Variants in SF3B1 observed in about 807,000 individuals in gnomAD.
SF3B1 encodes the protein pre-mRNA processing 10.
In SF3B1, 12 loss-of-function variants were observed where a neutral mutation model predicts 153.8. The ratio of observed to expected loss-of-function variants is 0.08; its 90% CI spans 0.05 to 0.13. SF3B1 has a LOEUF of 0.13. SF3B1 is among the 10% of genes least tolerant of loss of function. SF3B1 has a pLI of 1.00. For synonymous variants in SF3B1, 498 were observed against 525.2 expected (o/e 0.95, Z 0.71); for missense variants, 513 against 1,606.1 (o/e 0.32, Z 11.63).
At chr2:197,431,858 G>T (rs2085443074) in intron 1 of SF3B1, among the ~76,000 whole-genome samples, 1 of 152,122 alleles carries the variant, frequency 6.6e-6, no homozygotes. Context: ...AGGCATCGTG[G>T]CTCACACCTG....
chr2:197,393,285 A>C, intron 23 of SF3B1, 97 bp from the exon 24 acceptor site: 1 of 779,172 alleles, frequency 1.3e-6, no homozygotes, highest in South Asian at 1.6e-5. Context: ...GGAAATATTC[A>C]CCGGCCCATT....
intron 2 of SF3B1, among the ~76,000 whole-genome samples, chr2:197,421,334 CT>C (rs923422326): frequency 6.6e-6 from 1 of 152,126 alleles, no homozygotes; most frequent in African/African-American, 2.4e-5. Context: ...GTTATCTTTA[CT>C]TTTAAAATGA....
chr2:197,425,936 C>A (rs532338743), intron 1 of SF3B1, among the ~76,000 whole-genome samples: 1 of 151,706 alleles, frequency 6.6e-6, no homozygotes, highest in Non-Finnish European at 1.5e-5. Context: ...GAGGTCAAGG[C>A]TGCAGTAAGC....
At chr2:197,413,389 G>C (rs1469247372) in intron 6 of SF3B1, among the ~76,000 whole-genome samples, 1 of 152,200 alleles carries the variant, frequency 6.6e-6, no homozygotes, top group African/African-American at 2.4e-5. Flanking sequence ...ATGGGTGACA[G>C]AGCAAGACTC....
chr2:197,417,198 C>T (rs778110087), intron 5 of SF3B1, among the ~76,000 whole-genome samples: 1 of 152,046 alleles, frequency 6.6e-6, no homozygotes, highest in Non-Finnish European at 1.5e-5. Flanking sequence ...AATGGAGAAC[C>T]ATAATGCTTC....
At chr2:197,393,916 G>A (rs2105975594) in intron 23 of SF3B1, among the ~76,000 whole-genome samples, 1 of 152,144 alleles carries the variant, frequency 6.6e-6, no homozygotes, top group South Asian at 2.1e-4. Flanking sequence ...GGACATGGTG[G>A]CTCATGTCTG....
intron 23 of SF3B1, among the ~76,000 whole-genome samples, chr2:197,394,934 C>G (rs2084858285): frequency 6.6e-6 from 1 of 151,896 alleles, no homozygotes; most frequent in Non-Finnish European, 1.5e-5. Flanking sequence ...ACACTTTGCT[C>G]CAAAGATAGT....
intron 1 of SF3B1, among the ~76,000 whole-genome samples, chr2:197,432,661 G>A (rs2085457937): frequency 1.3e-5 from 2 of 152,156 alleles, no homozygotes; most frequent in African/African-American, 4.8e-5. Context: ...CTTGTGGTCA[G>A]GAGTTTGAGA....
intron 1 of SF3B1, among the ~76,000 whole-genome samples, 155 bp downstream of exon 1, chr2:197,434,817 G>C (rs1021228552): frequency 6.6e-6 from 1 of 152,272 alleles, no homozygotes; most frequent in African/African-American, 2.4e-5. Context: ...CGGGGCAGTG[G>C]CCTGCGCCGC....
In SF3B1 at chr2:197,392,312, A is replaced by G. The variant is rs150226353; in HGVS notation, c.3906T>C (p.Tyr1302=). ...AAAATAAACAATAAAATTATAAGAT[A>G]TAGTCAAGTTCATAACGAATATAGG... ...KNTYIRYELD[Y]IL The change falls in exon 25 of 25, where the codon TAT becomes TAC. Residue 1302 remains tyrosine, a synonymous_variant. Coordinates refer to ENST00000335508, the MANE Select transcript of SF3B1 (RefSeq NM_012433.4). 2,528 of 1,121,274 alleles carry G rather than the reference A, an allele frequency of 2.3e-3. 72 individuals carry two copies. In the South Asian group the frequency reaches 0.029, roughly 13 times the overall value. The allele number at this position is 1,121,274 out of a possible 1,614,324, so 69.5% of individuals were successfully genotyped here.
intron 6 of SF3B1, among the ~76,000 whole-genome samples, chr2:197,416,211 G>A (rs933681091): frequency 1.4e-4 from 21 of 151,842 alleles, no homozygotes; most frequent in African/African-American, 5.1e-4. Context: ...GTAGTGAGGG[G>A]CTTAAGTTAT....
At chr2:197,419,141 T>C (rs2085200805) in intron 4 of SF3B1, 4 of 504,616 alleles carry the variant, frequency 7.9e-6, no homozygotes, top group African/African-American at 2.0e-5. Flanking sequence ...CTTATTCTGA[T>C]GTCACGTTAC....
chr2:197,408,099 G>C lies in SF3B1; in HGVS notation c.1138C>G (p.Pro380Ala). ...PTPGHIMSMT[P>A]EQLQAWRWER... ...CACCGCCAAGCCTGAAGCTGTTCAG[G>C]AGTCATACTCATTATGTGACCTACC... Residue 380 changes from proline (P) to alanine (A), a missense_variant, in exon 9 of 25, where the codon CCT becomes GCT. Transcript: ENST00000335508. The C allele has an allele frequency of 6.2e-7, 1 of 1,613,372 alleles. No individual in the cohort carries two copies. The highest frequency in any genetic ancestry group is 8.5e-7 in the Non-Finnish European group (1 of 1,179,592).
At position 197,401,353 on chromosome 2, in the gene SF3B1, T is replaced by TG; in HGVS notation, c.2496+46dup. On this transcript the variant is annotated intron_variant, in intron 17 of 24. Transcript: ENST00000335508. The surrounding 1 kb of genome is among the most constrained non-coding windows in gnomAD (Gnocchi z 4.2). ...ACATGCATTCAAGTTGACTAAAGAA[T>TG]GAGTTGAAAGGACTTTTGAGAATAT... is the stretch of plus-strand genomic sequence containing the variant. The TG allele has an allele frequency of 6.5e-7, 1 of 1,534,336 alleles. No individual in the cohort carries two copies. Among genetic ancestry groups the TG allele is most frequent in the East Asian group, 2.3e-5 (1 of 44,010 alleles).
At chr2:197,398,231 TTAC>T (rs2084898144) in intron 21 of SF3B1, 115 bp from the exon 22 acceptor site, 1 of 953,126 alleles carries the variant, frequency 1.0e-6, no homozygotes, top group Admixed American at 2.2e-5. Flanking sequence ...TAAATAAAAC[TTAC>T]TACTCTTCAG....
intron 6 of SF3B1, among the ~76,000 whole-genome samples, chr2:197,410,794 G>A (rs1312242352): frequency 1.3e-5 from 2 of 152,054 alleles, no homozygotes; most frequent in Admixed American, 1.3e-4. Context: ...GTGAGCCACC[G>A]CACCAGGCCC....
intron 1 of SF3B1, among the ~76,000 whole-genome samples, chr2:197,431,730 T>C (rs1162510513): frequency 1.3e-5 from 2 of 152,144 alleles, no homozygotes; most frequent in Non-Finnish European, 2.9e-5. Context: ...GCTTTTTCAT[T>C]AAACAAAACT....
chr2:197,397,872 C>G (rs768548417), intron 22 of SF3B1, 113 bp downstream of exon 22: 54 of 620,042 alleles, frequency 8.7e-5, no homozygotes, highest in Non-Finnish European at 1.4e-4. Flanking sequence ...GCTTTCTCAA[C>G]TGCATTATTC....
intron 9 of SF3B1, among the ~76,000 whole-genome samples, chr2:197,407,234 C>T (rs1367339878): frequency 6.6e-6 from 1 of 152,190 alleles, no homozygotes; most frequent in African/African-American, 2.4e-5. Context: ...CGACCACAGA[C>T]TATCTTCAGA....
Sources: allele counts gnomAD v4.1 joint callset (sites outside exome capture counted in the v4.1 genomes callset), GRCh38; gene constraint gnomAD v4.1.1; non-coding constraint Gnocchi (gnomAD v3.1); transcripts MANE v1.5; gene names NCBI Gene and HGNC (gene_info 2026-07-23, HGNC 2026-07-21).